The following CREB5 variants were observed in gnomAD, a reference collection of about 807,000 sequenced individuals.
CREB5 encodes the protein cAMP responsive element binding protein 5.
Under a neutral mutation model 57.1 loss-of-function variants are expected in CREB5, and 19 were observed. The observed-to-expected ratio is 0.33, with a 90% CI of 0.23 to 0.49. CREB5 has a LOEUF of 0.49. Among genes scored for constraint, CREB5 ranks in the 20% least tolerant of loss-of-function variants. The probability of loss-of-function intolerance (pLI) is 0.99; values close to 1 mark genes in which losing one functional copy is unlikely to be tolerated. For synonymous variants in CREB5, 238 were observed against 238.3 expected (o/e 1.00, Z 0.01); for missense variants, 579 against 671.6 (o/e 0.86, Z 1.52).
At position 28,306,541 on chromosome 7, in the gene CREB5, G is replaced by GTTTTT. The variant is rs199561235; in HGVS notation, c.-25+7104_-25+7105insTTTTT. ...ACTGGTGCCAGTACATACAGATACA[G>GTTTTT]TTTTGTTTTTTTTGTTTTTTTTTTT... On this transcript the variant is annotated intron_variant, in intron 1 of 9. Coordinates refer to the CREB5 transcript ENST00000396299. Among the ~76,000 whole-genome samples, 71 of 44,436 alleles carry GTTTTT rather than the reference G, an allele frequency of 1.6e-3. 9 individuals carry two copies. Among genetic ancestry groups the GTTTTT allele is most frequent in the Non-Finnish European group, 2.1e-3 (44 of 21,040 alleles). The allele number at this position is 44,436 out of a possible 152,430, so 29.2% of individuals were successfully genotyped here.
At chr7:28,798,115 C>T (rs1196269468) in intron 7 of CREB5, among the ~76,000 whole-genome samples, 1 of 152,166 alleles carries the variant, frequency 6.6e-6, no homozygotes, top group Non-Finnish European at 1.5e-5. Flanking sequence ...CATTTTGATA[C>T]TTTCACATTT....
At chr7:28,654,074 A>G (rs757793892) in intron 5 of CREB5, among the ~76,000 whole-genome samples, 12 of 152,192 alleles carry the variant, frequency 7.9e-5, no homozygotes, top group Non-Finnish European at 1.6e-4. Flanking sequence ...CCAGTAGCCA[A>G]TATACATTAC....
chr7:28,696,109 T>C (rs1162365055), intron 5 of CREB5, among the ~76,000 whole-genome samples: 6 of 152,222 alleles, frequency 3.9e-5, no homozygotes, highest in South Asian at 4.1e-4. Flanking sequence ...GTTAACCCAA[T>C]TAGTCTTCCC....
chr7:28,665,381 C>T (rs1017509756), intron 5 of CREB5, among the ~76,000 whole-genome samples: 19 of 152,184 alleles, frequency 1.2e-4, no homozygotes, highest in Non-Finnish European at 2.9e-5. Flanking sequence ...ACCTCCCTTC[C>T]TTCCTCCCCC....
intron 1 of CREB5, among the ~76,000 whole-genome samples, chr7:28,348,397 G>GTCTCTC (rs369766128): frequency 2.8e-4 from 40 of 143,852 alleles, no homozygotes; most frequent in Non-Finnish European, 3.1e-4. Context: ...CTCTCTCTCT[G>GTCTCTC]TCTCTCTCTC....
intron 1 of CREB5, among the ~76,000 whole-genome samples, chr7:28,425,758 T>C (rs2128012975): frequency 6.6e-6 from 1 of 152,200 alleles, no homozygotes; most frequent in East Asian, 1.9e-4. Context: ...ACCTCAGTCT[T>C]ACAGCATTTA....
intron 7 of CREB5, among the ~76,000 whole-genome samples, chr7:28,802,502 C>T (rs1351711401): frequency 6.6e-6 from 1 of 152,198 alleles, no homozygotes; most frequent in Non-Finnish European, 1.5e-5. Context: ...AGCAATTATA[C>T]ACCACTATCA....
intron 5 of CREB5, among the ~76,000 whole-genome samples, chr7:28,670,633 G>A (rs750541945): frequency 6.6e-6 from 1 of 152,174 alleles, no homozygotes; most frequent in Non-Finnish European, 1.5e-5. Flanking sequence ...GCTTATATGA[G>A]GAAATTGTCT....
chr7:28,473,835 T>A (rs908811855), intron 1 of CREB5, among the ~76,000 whole-genome samples: 2 of 152,214 alleles, frequency 1.3e-5, no homozygotes, highest in African/African-American at 4.8e-5. Flanking sequence ...CATTGTCACC[T>A]TTGGGTCCAT....
At chr7:28,781,089 TG>T (rs1471390429) in intron 7 of CREB5, among the ~76,000 whole-genome samples, 1 of 152,152 alleles carries the variant, frequency 6.6e-6, no homozygotes, top group East Asian at 1.9e-4. Context: ...TGGACTTCAT[TG>T]GTTGTGTTGT....
In CREB5 at chr7:28,507,736, G is replaced by C; in HGVS notation, c.290G>C (p.Arg97Pro). ...RKAQEEESSK[R>P]NISMHNAVGG... Reference sequence around the variant, plus strand: ...GCTCAGGAAGAGGAGAGCAGCAAGCGGGTAGGTTTGCTTGGATGGCCGCCT... The same window carrying C: ...GCTCAGGAAGAGGAGAGCAGCAAGCCGGTAGGTTTGCTTGGATGGCCGCCT... The change falls in exon 4 of 11, where the codon CGG becomes CCG. Residue 97 changes from arginine to proline, a missense_variant and splice_region_variant. Transcript: ENST00000357727. The C allele has an allele frequency of 6.3e-7, 1 of 1,598,792 alleles. No homozygotes were observed. Among genetic ancestry groups the C allele is most frequent in the Non-Finnish European group, 8.6e-7 (1 of 1,168,468 alleles).
chr7:28,731,862 C>G (rs1220726663), intron 7 of CREB5, among the ~76,000 whole-genome samples: 2 of 152,208 alleles, frequency 1.3e-5, no homozygotes, highest in Non-Finnish European at 2.9e-5. Context: ...CTCTATGATT[C>G]TTCCAGAGAC....
intron 1 of CREB5, among the ~76,000 whole-genome samples, chr7:28,438,934 C>T (rs1454375997): frequency 1.3e-5 from 2 of 152,170 alleles, no homozygotes; most frequent in African/African-American, 4.8e-5. Context: ...AGAGATACTT[C>T]TAAAACTTGG....
intron 5 of CREB5, among the ~76,000 whole-genome samples, chr7:28,659,041 A>C (rs1799485725): frequency 6.7e-6 from 1 of 148,926 alleles, no homozygotes; most frequent in African/African-American, 2.5e-5. Flanking sequence ...AAATGAAATG[A>C]GAATGAATAC....
At chr7:28,403,137 C>T (rs1240369131) in intron 1 of CREB5, among the ~76,000 whole-genome samples, 1 of 152,166 alleles carries the variant, frequency 6.6e-6, no homozygotes, top group Admixed American at 6.5e-5. Context: ...AGAACATCAG[C>T]TTGTATAAAA....
intron 1 of CREB5, among the ~76,000 whole-genome samples, chr7:28,309,558 G>T (rs1184366132): frequency 1.3e-5 from 2 of 152,132 alleles, no homozygotes; most frequent in Non-Finnish European, 2.9e-5. Context: ...AGCTGGTGTT[G>T]AGAGCCAGGC....
intron 5 of CREB5, among the ~76,000 whole-genome samples, chr7:28,635,886 G>C (rs1798399353): frequency 6.6e-6 from 1 of 152,196 alleles, no homozygotes; most frequent in Non-Finnish European, 1.5e-5. Flanking sequence ...TTGCTCCTGA[G>C]CCAGGCCATT....
chr7:28,510,620 G>C (rs897346866), intron 4 of CREB5, among the ~76,000 whole-genome samples: 12 of 152,282 alleles, frequency 7.9e-5, no homozygotes, highest in Non-Finnish European at 1.3e-4. Flanking sequence ...CTGTCCATTG[G>C]GGAAAAGTCT....
intron 2 of CREB5, among the ~76,000 whole-genome samples, chr7:28,492,818 A>G (rs1791864714): frequency 6.6e-6 from 1 of 151,212 alleles, no homozygotes; most frequent in African/African-American, 2.4e-5. Context: ...AACAAAAATT[A>G]TAATTAGTTG....
Sources: gnomAD v4.1 joint callset for allele counts (sites outside exome capture counted in the v4.1 genomes callset) on GRCh38, gnomAD v4.1.1 for gene constraint, MANE v1.5 for transcripts, NCBI Gene and HGNC (gene_info 2026-07-23, HGNC 2026-07-21) for gene names.